DGKB: variants seen among roughly 807,000 people sequenced by gnomAD.
DGKB encodes 90 kDa diacylglycerol kinase.
In DGKB, 67 loss-of-function variants were observed where a neutral mutation model predicts 114.3. The observed-to-expected ratio is 0.59, with a 90% CI of 0.48 to 0.72. The LOEUF (loss-of-function observed/expected upper bound fraction) is 0.72. Ranked by LOEUF, DGKB falls within the 30% of genes least tolerant of loss-of-function variation. The pLI, the probability that DGKB is intolerant of heterozygous loss-of-function variation, is 0.00. For missense variants in DGKB, 907 were observed against 975.2 expected (o/e 0.93, Z 0.93); for synonymous variants, 398 against 323.1 (o/e 1.23, Z -2.49).
At chr7:14,526,765 A>G (rs1384823514) in intron 20 of DGKB, among the ~76,000 whole-genome samples, 1 of 152,120 alleles carries the variant, frequency 6.6e-6, no homozygotes, top group African/African-American at 2.4e-5. Context: ...CGTAATAGAG[A>G]AAGAATGAAT....
intron 1 of DGKB, among the ~76,000 whole-genome samples, chr7:14,923,268 T>G (rs934265156): frequency 6.6e-6 from 1 of 152,178 alleles, no homozygotes; most frequent in African/African-American, 2.4e-5. Context: ...TCCAAAGTTA[T>G]AAAAAGTTCT....
At chr7:14,511,599 A>T (rs80195582) in intron 20 of DGKB, among the ~76,000 whole-genome samples, 9,224 of 152,226 alleles carry the variant, frequency 0.061, 420 homozygotes, top group Middle Eastern at 0.1. Flanking sequence ...CATGGGAGTA[A>T]CCCTTTTAAT....
chr7:14,561,586 A>G (rs1411949462), intron 20 of DGKB, among the ~76,000 whole-genome samples: 1 of 152,120 alleles, frequency 6.6e-6, no homozygotes, highest in Non-Finnish European at 1.5e-5. Flanking sequence ...GGACAATAAG[A>G]TCCAGGCTGA....
intron 1 of DGKB, among the ~76,000 whole-genome samples, chr7:14,892,954 GTGTGTGTATATA>G (rs1276626872): frequency 6.8e-6 from 1 of 146,502 alleles, no homozygotes; most frequent in Non-Finnish European, 1.6e-5. Flanking sequence ...ACACACATAT[GTGTGTGTATATA>G]TACATACATA....
chr7:14,844,482 T>A (rs771060041), intron 1 of DGKB, among the ~76,000 whole-genome samples: 18 of 152,174 alleles, frequency 1.2e-4, no homozygotes, highest in Non-Finnish European at 2.5e-4. Context: ...GGCTTGGGCA[T>A]TATCCTCAGG....
At chr7:14,837,135 T>G (rs961714237) in intron 2 of DGKB, among the ~76,000 whole-genome samples, 7 of 152,144 alleles carry the variant, frequency 4.6e-5, no homozygotes, top group East Asian at 3.9e-4. Context: ...AAAACACAGA[T>G]ATATTAAGTT....
intron 15 of DGKB, among the ~76,000 whole-genome samples, chr7:14,616,593 A>G (rs558414877): frequency 6.6e-6 from 1 of 151,886 alleles, no homozygotes; most frequent in Non-Finnish European, 1.5e-5. Flanking sequence ...CTGTCAGCTG[A>G]AAACTATTCA....
intron 20 of DGKB, among the ~76,000 whole-genome samples, chr7:14,566,202 T>C (rs529014262): frequency 2.0e-5 from 3 of 152,146 alleles, no homozygotes; most frequent in Non-Finnish European, 4.4e-5. Context: ...TAATTATATG[T>C]AAGGGTAATA....
At chr7:14,497,772 A>C (rs1785517149) in intron 20 of DGKB, among the ~76,000 whole-genome samples, 2 of 151,908 alleles carry the variant, frequency 1.3e-5, no homozygotes, top group African/African-American at 4.8e-5. Context: ...CAATACTGCA[A>C]AACCAATAGG....
At chr7:14,900,783 A>G (rs1387841473) in intron 1 of DGKB, among the ~76,000 whole-genome samples, 1 of 152,216 alleles carries the variant, frequency 6.6e-6, no homozygotes, top group Admixed American at 6.5e-5. Flanking sequence ...GCCACCGCTC[A>G]ACTCCAACTA....
At chr7:14,395,596 TA>T (rs1454161187) in intron 21 of DGKB, among the ~76,000 whole-genome samples, 3 of 151,738 alleles carry the variant, frequency 2.0e-5, no homozygotes, top group Non-Finnish European at 4.4e-5. Context: ...TCCAGATAAG[TA>T]AAAAATTTCA....
intron 2 of DGKB, among the ~76,000 whole-genome samples, chr7:14,833,873 C>A (rs1846770528): frequency 6.6e-6 from 1 of 152,110 alleles, no homozygotes. Context: ...CCACTCTCAA[C>A]TTCTATCCAT....
chr7:14,495,898 C>G (rs2116314), intron 20 of DGKB, among the ~76,000 whole-genome samples: 53,034 of 151,510 alleles, frequency 0.35, 9,880 homozygotes, highest in Admixed American at 0.45. Flanking sequence ...TGATTAATTG[C>G]AAATTTGTTG....
At chr7:14,659,240 T>C (rs1038895219) in intron 13 of DGKB, among the ~76,000 whole-genome samples, 1 of 152,074 alleles carries the variant, frequency 6.6e-6, no homozygotes, top group Non-Finnish European at 1.5e-5. Flanking sequence ...CTGAACATAT[T>C]CATTGTTTCA....
intron 13 of DGKB, among the ~76,000 whole-genome samples, chr7:14,654,874 T>G (rs1815440187): frequency 6.6e-6 from 1 of 151,640 alleles, no homozygotes; most frequent in South Asian, 2.1e-4. Flanking sequence ...AACCAAAAAT[T>G]GACACAAAAT....
chr7:14,281,973 C>T (rs1462079952), intron 23 of DGKB, among the ~76,000 whole-genome samples: 3 of 127,920 alleles, frequency 2.3e-5, no homozygotes, highest in East Asian at 2.4e-4. Context: ...AGAGCAAACA[C>T]ATTCAAAAGC....
At chr7:14,820,244 T>A (rs574801297) in intron 2 of DGKB, among the ~76,000 whole-genome samples, 97 of 152,302 alleles carry the variant, frequency 6.4e-4, no homozygotes, top group African/African-American at 2.1e-3. Context: ...TTTAAATTCA[T>A]GTTTTTTAAA....
intron 23 of DGKB, among the ~76,000 whole-genome samples, chr7:14,221,237 G>A (rs566150901): frequency 2.0e-5 from 3 of 151,298 alleles, no homozygotes; most frequent in Admixed American, 1.3e-4. Context: ...TAAAAGTGAT[G>A]TAAATGGATA....
intron 20 of DGKB, among the ~76,000 whole-genome samples, chr7:14,509,146 A>G (rs1787580441): frequency 6.6e-6 from 1 of 152,152 alleles, no homozygotes; most frequent in South Asian, 2.1e-4. Context: ...TCTATTGCCT[A>G]CAGGTATAGC....
Sources: gnomAD v4.1 joint callset for allele counts (sites outside exome capture counted in the v4.1 genomes callset) on GRCh38, gnomAD v4.1.1 for gene constraint, MANE v1.5 for transcripts, NCBI Gene and HGNC (gene_info 2026-07-23, HGNC 2026-07-21) for gene names.